CASP10: variants seen among roughly 807,000 people sequenced by gnomAD.
CASP10 encodes the protein caspase-10.
In CASP10, 41 loss-of-function variants were observed where a neutral mutation model predicts 48.5. The observed-to-expected ratio is 0.85, with a 90% CI of 0.66 to 1.10. The LOEUF is 1.10. CASP10 is among the 50% of genes least tolerant of loss of function. The pLI, the probability that CASP10 is intolerant of heterozygous loss-of-function variation, is 0.00. For synonymous variants in CASP10, 232 were observed against 238.4 expected, an observed-to-expected ratio of 0.97 and a Z score of 0.25; for missense variants, 614 against 614.5, an observed-to-expected ratio of 1.00 and a Z score of 0.01.
intron 5 of CASP10, among the ~76,000 whole-genome samples, chr2:201,197,214 C>T (rs1295850861): frequency 6.6e-6 from 1 of 152,038 alleles, no homozygotes; most frequent in Non-Finnish European, 1.5e-5. Context: ...TGGGCTCAAG[C>T]AATCCTCCCG....
In CASP10 at chr2:201,210,871, A is replaced by G. The variant is rs1025446378; in HGVS notation, c.1415+1309A>G. 2.0e-5 allele frequency among the ~76,000 whole-genome samples: 3 copies of G among 152,198 alleles called. No individual in the cohort carries two copies. The East Asian group carries it at 5.8e-4, about 29-fold the overall frequency. Reference sequence around the variant, plus strand: ...TATTTAAATTATTATTATTTTAAAAATTCAACAATATTAAAAGGAGACAGT... The same window carrying G: ...TATTTAAATTATTATTATTTTAAAAGTTCAACAATATTAAAAGGAGACAGT... On this transcript the variant is annotated intron_variant, in intron 9 of 9. Transcript: ENST00000286186.
At chr2:201,200,118 G>A (rs1944960013) in intron 5 of CASP10, among the ~76,000 whole-genome samples, 1 of 152,170 alleles carries the variant, frequency 6.6e-6, no homozygotes, top group East Asian at 1.9e-4. Context: ...ATGTCCATCT[G>A]CCCCCCTATT....
In CASP10 at chr2:201,219,087, C is replaced by A. The variant is rs866865576; in HGVS notation, c.*1346C>A. On this transcript the variant is annotated 3_prime_UTR_variant, in exon 10 of 10. Coordinates refer to ENST00000286186, the MANE Select transcript of CASP10 (RefSeq NM_032977.4). The stretch of plus-strand genomic sequence containing the variant: ...GAGTTCGAGACCAGCCTGGCCAATA[C>A]GGCAAAACCTCATCATTACTAAAAA... 3.2e-6 allele frequency: 2 copies of A among 627,092 alleles called. No homozygotes were observed. The highest frequency in any genetic ancestry group is 8.2e-4 in the Middle Eastern group (1 of 1,220). 38.8% of individuals were successfully genotyped at this position (627,092 alleles called of 1,614,324 possible).
chr2:201,195,756 C>A (rs570455304), intron 4 of CASP10, 86 bp from the exon 5 acceptor site: 1 of 1,026,684 alleles, frequency 9.7e-7, no homozygotes, highest in East Asian at 2.4e-5. Flanking sequence ...TGGCTCACTG[C>A]AACCTCCGCC....
chr2:201,192,779 T>G (rs1297291688), intron 3 of CASP10, among the ~76,000 whole-genome samples: 1 of 152,208 alleles, frequency 6.6e-6, no homozygotes, highest in Non-Finnish European at 1.5e-5. Context: ...GTTATATATA[T>G]ATTTGGTATC....
At chr2:201,199,649 A>G (rs148929544) in intron 5 of CASP10, among the ~76,000 whole-genome samples, 88 of 135,592 alleles carry the variant, frequency 6.5e-4, no homozygotes, top group Admixed American at 1.1e-3. Flanking sequence ...ATCTCGGCTC[A>G]CTATAACCTC....
intron 7 of CASP10, among the ~76,000 whole-genome samples, chr2:201,207,650 G>T (rs1482871436): frequency 1.3e-5 from 2 of 151,960 alleles, no homozygotes; most frequent in African/African-American, 2.4e-5. Flanking sequence ...CCAGCTACTC[G>T]GGAGGCTGAG....
At chr2:201,201,873 A>G (rs1298325253) in intron 5 of CASP10, among the ~76,000 whole-genome samples, 4 of 152,232 alleles carry the variant, frequency 2.6e-5, no homozygotes, top group Non-Finnish European at 5.9e-5. Flanking sequence ...ATCGAATTTT[A>G]AGCAACATCT....
chr2:201,193,512 C>A (rs1944685052), intron 4 of CASP10: 2 of 251,200 alleles, frequency 8.0e-6, no homozygotes, highest in Non-Finnish European at 1.6e-5. Context: ...CTGGCCCGTG[C>A]ATGATGTTTA....
At chr2:201,215,913 C>T (rs1343136290) in intron 9 of CASP10, among the ~76,000 whole-genome samples, 1 of 152,052 alleles carries the variant, frequency 6.6e-6, no homozygotes, top group East Asian at 1.9e-4. Flanking sequence ...TCCTGAGTAG[C>T]TAGGACTACA....
At chr2:201,200,452 T>C (rs1484925256) in intron 5 of CASP10, 1 of 1,598,276 alleles carries the variant, frequency 6.3e-7, no homozygotes, top group Admixed American at 1.7e-5. Context: ...GGAAGGTGTT[T>C]TTGTTTTTTT....
intron 5 of CASP10, chr2:201,200,566 T>C: frequency 6.3e-7 from 1 of 1,591,582 alleles, no homozygotes; most frequent in Non-Finnish European, 8.5e-7. Flanking sequence ...AATCAGGACA[T>C]GACACAGAGC....
chr2:201,218,778 C>T lies in CASP10; in HGVS notation c.*1037C>T. ...GTCCACCCACCCTCTCTCTGATCTC[C>T]CCCTTCCTAAGACTTCTCTTTTGCA... is the stretch of plus-strand genomic sequence containing the variant. On this transcript the variant is annotated 3_prime_UTR_variant, in exon 10 of 10. Coordinates refer to ENST00000286186, the MANE Select transcript of CASP10 (RefSeq NM_032977.4). 1 of 985,370 alleles carries T rather than the reference C, an allele frequency of 1.0e-6. No individual in the cohort carries two copies. Among genetic ancestry groups the T allele is most frequent in the Non-Finnish European group, 1.2e-6 (1 of 829,986 alleles). 61.0% of individuals were successfully genotyped at this position (985,370 alleles called of 1,614,324 possible). A position where few individuals can be genotyped will look rare whatever the true frequency, so the allele number is the denominator to read the frequency against.
intron 4 of CASP10, among the ~76,000 whole-genome samples, chr2:201,194,756 G>C (rs754311537): frequency 3.9e-5 from 6 of 152,150 alleles, no homozygotes; most frequent in Non-Finnish European, 7.4e-5. Context: ...GCCTCAGTGA[G>C]TCTTGAAGAC....
intron 9 of CASP10, among the ~76,000 whole-genome samples, chr2:201,227,251 T>A (rs922310585): frequency 6.6e-6 from 1 of 152,188 alleles, no homozygotes; most frequent in Admixed American, 6.5e-5. Context: ...ATTGGGTGAT[T>A]TTTTGGCTTG....
In CASP10 at chr2:201,219,087, C is replaced by T. The variant is rs866865576; in HGVS notation, c.*1346C>T. 31 of 627,090 alleles carry T rather than the reference C, an allele frequency of 4.9e-5. No homozygotes were observed. The highest frequency in any genetic ancestry group is 4.6e-4 in the African/African-American group (23 of 50,328). 38.8% of individuals were successfully genotyped at this position (627,090 alleles called of 1,614,324 possible). A position where few individuals can be genotyped will look rare whatever the true frequency, so the allele number is the denominator to read the frequency against. On this transcript the variant is annotated 3_prime_UTR_variant, in exon 10 of 10. Coordinates refer to ENST00000286186, the MANE Select transcript of CASP10 (RefSeq NM_032977.4). ...GAGTTCGAGACCAGCCTGGCCAATA[C>T]GGCAAAACCTCATCATTACTAAAAA... is the stretch of plus-strand genomic sequence containing the variant.
At position 201,218,398 on chromosome 2, in the gene CASP10, G is replaced by A; in HGVS notation, c.*657G>A. ...GTTCACTGCAGCCTTGACCTCCCAG[G>A]TTCAAGCGATCCTCCCACCTCAGCC... On this transcript the variant is annotated 3_prime_UTR_variant, in exon 10 of 10. Coordinates refer to ENST00000286186, the MANE Select transcript of CASP10 (RefSeq NM_032977.4). The A allele has an allele frequency of 1.1e-6, 1 of 882,752 alleles. No homozygotes were observed. Among genetic ancestry groups the A allele is most frequent in the Non-Finnish European group, 1.4e-6 (1 of 736,166 alleles). 54.7% of individuals were successfully genotyped at this position (882,752 alleles called of 1,614,324 possible).
chr2:201,221,885 C>T (rs41460445), downstream of CASP10, among the ~76,000 whole-genome samples: 9 of 152,132 alleles, frequency 5.9e-5, no homozygotes, highest in Middle Eastern at 3.2e-3. Context: ...AGCTGTGAGT[C>T]GTGGATCTAC....
At chr2:201,196,180 T>A (rs1303777631) in intron 5 of CASP10, among the ~76,000 whole-genome samples, 1 of 152,218 alleles carries the variant, frequency 6.6e-6, no homozygotes, top group Non-Finnish European at 1.5e-5. Context: ...CTAGTTAGTT[T>A]GAGTTCTCGC....
Sources: allele counts gnomAD v4.1 joint callset (sites outside exome capture counted in the v4.1 genomes callset), GRCh38; gene constraint gnomAD v4.1.1; transcripts MANE v1.5; gene names NCBI Gene and HGNC (gene_info 2026-07-23, HGNC 2026-07-21).